Variants in SRGAP2 observed in about 807,000 individuals in gnomAD.
SRGAP2 encodes SLIT-ROBO Rho GTPase activating protein 2.
Under a neutral mutation model 57.2 loss-of-function variants are expected in SRGAP2, and 15 were observed. The ratio of observed to expected loss-of-function variants is 0.26; its 90% CI spans 0.18 to 0.40. The LOEUF is 0.40. Ranked by LOEUF, SRGAP2 falls within the 10% of genes least tolerant of loss-of-function variation. The probability of loss-of-function intolerance (pLI) is 1.00; values close to 1 mark genes in which losing one functional copy is unlikely to be tolerated. For missense variants in SRGAP2, 520 were observed against 669.6 expected (o/e 0.78, Z 2.47); for synonymous variants, 249 against 248.0 (o/e 1.00, Z -0.04).
chr1:206,309,481 AGTTGGGG>A (rs1672474209), intron 3 of SRGAP2, among the ~76,000 whole-genome samples: 1 of 147,744 alleles, frequency 6.8e-6, no homozygotes, highest in Admixed American at 6.6e-5. Flanking sequence ...AAAAAAAAAA[AGTTGGGG>A]GAGTGGAAAG....
intron 5 of SRGAP2, among the ~76,000 whole-genome samples, chr1:206,390,863 C>T (rs1443820155): frequency 6.6e-6 from 1 of 151,352 alleles, no homozygotes; most frequent in Non-Finnish European, 1.5e-5. Flanking sequence ...TGAGGTGAAA[C>T]TGATTTAAAA....
chr1:206,248,061 G>GA (rs1270731614), intron 2 of SRGAP2, among the ~76,000 whole-genome samples: 40 of 150,408 alleles, frequency 2.7e-4, no homozygotes, highest in African/African-American at 8.1e-4. Flanking sequence ...GTGCTATTGG[G>GA]AAAAAAAAAT....
rs1258295773 is a variant in SRGAP2 at position 206,417,128 on chromosome 1, G to A, written c.1441+1155G>A. Among the ~76,000 whole-genome samples, 3 of 144,422 alleles carry A rather than the reference G, an allele frequency of 2.1e-5. No individual in the cohort carries two copies. In the East Asian group the frequency reaches 5.9e-4, roughly 28 times the overall value. The allele number at this position is 144,422 out of a possible 152,430, so 94.7% of individuals were successfully genotyped here. ...CTTTTTTTTTTTTTTTTTTGAGATGGAGTCTTGCTATGTCACCCAGGCTGG... is the reference window on the plus strand; with the variant it reads ...CTTTTTTTTTTTTTTTTTTGAGATGAAGTCTTGCTATGTCACCCAGGCTGG... On this transcript the variant is annotated intron_variant, in intron 11 of 22. Transcript: ENST00000573034.
chr1:206,399,748 A>G (rs556079758), intron 7 of SRGAP2, among the ~76,000 whole-genome samples: 1 of 150,710 alleles, frequency 6.6e-6, no homozygotes, highest in South Asian at 2.1e-4. Context: ...CAGGGTCTAC[A>G]TAGAGCTAGT....
chr1:206,289,514 T>C (rs1159762293), intron 2 of SRGAP2, among the ~76,000 whole-genome samples: 14 of 152,138 alleles, frequency 9.2e-5, no homozygotes, highest in Non-Finnish European at 1.9e-4. Flanking sequence ...CCTGACCTCG[T>C]GGTCCGCCTG....
At position 206,420,052 on chromosome 1, in the gene SRGAP2, A is replaced by C. The variant is rs187050478; in HGVS notation, c.1469+652A>C. Reference sequence around the variant, plus strand: ...GAAAATTTGTGAGCTGTCGGAGAGCAAGGTATTCATTCATCCAGCAGTTCT... The same window carrying C: ...GAAAATTTGTGAGCTGTCGGAGAGCCAGGTATTCATTCATCCAGCAGTTCT... On this transcript the variant is annotated intron_variant, in intron 12 of 22. Coordinates refer to ENST00000573034, the MANE Select transcript of SRGAP2 (RefSeq NM_015326.5). Among the ~76,000 whole-genome samples, 24 of 152,224 alleles carry C rather than the reference A, an allele frequency of 1.6e-4. 1 individual carries two copies. The highest frequency in any genetic ancestry group is 5.8e-4 in the African/African-American group (24 of 41,528).
chr1:206,319,145 C>T (rs1673271207), intron 3 of SRGAP2, among the ~76,000 whole-genome samples: 1 of 151,238 alleles, frequency 6.6e-6, no homozygotes, highest in Non-Finnish European at 1.5e-5. Context: ...GGTGCGGTGG[C>T]TCACGCCTGT....
intron 2 of SRGAP2, among the ~76,000 whole-genome samples, chr1:206,247,469 T>G (rs1668565354): frequency 6.6e-6 from 1 of 151,816 alleles, no homozygotes. Context: ...GCCTCCATAC[T>G]GTGGGGGTGT....
At chr1:206,384,560 G>A (rs1391467306) in intron 5 of SRGAP2, among the ~76,000 whole-genome samples, 4 of 152,182 alleles carry the variant, frequency 2.6e-5, no homozygotes, top group African/African-American at 9.7e-5. Flanking sequence ...TCCCCAGTAA[G>A]AGGGACCAGT....
At chr1:206,444,765 A>T (rs782713836) in intron 17 of SRGAP2, among the ~76,000 whole-genome samples, 1 of 152,244 alleles carries the variant, frequency 6.6e-6, no homozygotes, top group African/African-American at 2.4e-5. Context: ...GAAGGATTAT[A>T]CACTTTTAAG....
rs1387253329 is a variant in SRGAP2 at position 206,273,840 on chromosome 1, A to G, written c.68-29441A>G. On this transcript the variant is annotated intron_variant, in intron 2 of 22. Coordinates refer to ENST00000573034, the MANE Select transcript of SRGAP2 (RefSeq NM_015326.5). The stretch of plus-strand genomic sequence containing the variant: ...TTGAAGTTGTTTTTATGATTTCAGA[A>G]TAAGTGCTTCTACAACGGGATATTG... 2.6e-5 allele frequency among the ~76,000 whole-genome samples: 4 copies of G among 151,102 alleles called. No individual in the cohort carries two copies. The South Asian group carries it at 6.2e-4, about 24-fold the overall frequency.
chr1:206,434,171 G>A (rs1244326824), intron 14 of SRGAP2, among the ~76,000 whole-genome samples: 1 of 152,164 alleles, frequency 6.6e-6, no homozygotes, highest in Non-Finnish European at 1.5e-5. Flanking sequence ...TCCCATGGGA[G>A]GTAGACATTA....
intron 7 of SRGAP2, among the ~76,000 whole-genome samples, chr1:206,398,803 G>A (rs1238513892): frequency 6.6e-6 from 1 of 152,162 alleles, no homozygotes; most frequent in Non-Finnish European, 1.5e-5. Flanking sequence ...TAGAGGCCAG[G>A]GTCACTGGAG....
chr1:206,229,994 G>A (rs1257476046), intron 2 of SRGAP2, among the ~76,000 whole-genome samples: 2 of 150,762 alleles, frequency 1.3e-5, no homozygotes, highest in Non-Finnish European at 2.9e-5. Context: ...TCTCCCAGAA[G>A]ATAATTTTAA....
chr1:206,460,929 G>A, intron 22 of SRGAP2, 108 bp from the exon 23 acceptor site: 1 of 582,342 alleles, frequency 1.7e-6, no homozygotes, highest in South Asian at 2.3e-5. Context: ...CAATAATCTG[G>A]ACATCTTACG....
chr1:206,255,041 T>TATTA (rs1669100406), intron 2 of SRGAP2, among the ~76,000 whole-genome samples: 1 of 151,684 alleles, frequency 6.6e-6, no homozygotes, highest in Admixed American at 6.6e-5. Flanking sequence ...TCATGCTTAA[T>TATTA]ACTCCAGTAA....
chr1:206,460,497 G>A (rs1374132035), intron 22 of SRGAP2, among the ~76,000 whole-genome samples: 1 of 152,050 alleles, frequency 6.6e-6, no homozygotes, highest in Non-Finnish European at 1.5e-5. Flanking sequence ...GCGGGGGGAG[G>A]CGTATTGGGC....
In SRGAP2 at chr1:206,454,437, T is replaced by C; in HGVS notation, c.2361-441T>C. ...GGCGCTACGACAGTGTGTGGCGGTG[T>C]CCTGCCACGACGCCGCCGTCTCCAG... On this transcript the variant is annotated intron_variant, in intron 20 of 22. Transcript: ENST00000573034. The surrounding 1 kb of genome is among the most constrained non-coding windows in gnomAD (Gnocchi z 4.3). 1 of 507,646 alleles carries C rather than the reference T, an allele frequency of 2.0e-6. No homozygotes were observed. The highest frequency in any genetic ancestry group is 3.5e-6 in the Non-Finnish European group (1 of 287,212). 31.4% of individuals were successfully genotyped at this position (507,646 alleles called of 1,614,324 possible).
chr1:206,297,938 GTGT>G (rs1227002026), intron 2 of SRGAP2, among the ~76,000 whole-genome samples: 2 of 147,512 alleles, frequency 1.4e-5, no homozygotes, highest in African/African-American at 2.5e-5. Context: ...GCATTGGCAG[GTGT>G]TGTAATTTGG....
Sources: gnomAD v4.1 joint callset for allele counts (sites outside exome capture counted in the v4.1 genomes callset) on GRCh38, gnomAD v4.1.1 for gene constraint, Gnocchi (gnomAD v3.1) non-coding constraint, MANE v1.5 for transcripts, NCBI Gene and HGNC (gene_info 2026-07-23, HGNC 2026-07-21) for gene names.